Variants in SLC9A9 observed in about 807,000 individuals in gnomAD.
SLC9A9 encodes solute carrier family 9 member A9.
In SLC9A9, 62 loss-of-function variants were observed where a neutral mutation model predicts 77.8. The observed-to-expected ratio is 0.80, with a 90% CI of 0.65 to 0.98. The LOEUF (loss-of-function observed/expected upper bound fraction) is 0.98, where lower values mean the gene tolerates loss of function less well. Among genes scored for constraint, SLC9A9 ranks in the 50% least tolerant of loss-of-function variants. The pLI is 0.00. For missense variants in SLC9A9, 775 were observed against 774.9 expected (o/e 1.00, Z 0.00); for synonymous variants, 320 against 283.5 (o/e 1.13, Z -1.29).
intron 4 of SLC9A9, among the ~76,000 whole-genome samples, chr3:143,750,618 A>G (rs576685896): frequency 6.6e-6 from 1 of 152,164 alleles, no homozygotes; most frequent in East Asian, 1.9e-4. Context: ...GAAAGATGAA[A>G]ATGTTTTATG....
At chr3:143,445,078 C>T (rs1421214949) in intron 12 of SLC9A9, among the ~76,000 whole-genome samples, 2 of 152,178 alleles carry the variant, frequency 1.3e-5, no homozygotes, top group Non-Finnish European at 1.5e-5. Flanking sequence ...AAGTAAGCCA[C>T]CTCCACAGAG....
chr3:143,272,347 T>G (rs1937920931), intron 14 of SLC9A9, among the ~76,000 whole-genome samples: 1 of 152,208 alleles, frequency 6.6e-6, no homozygotes, highest in African/African-American at 2.4e-5. Flanking sequence ...GGCAGTCCCC[T>G]TCACCTGGAT....
intron 12 of SLC9A9, among the ~76,000 whole-genome samples, chr3:143,401,906 T>C (rs1231477061): frequency 6.6e-6 from 1 of 152,208 alleles, no homozygotes; most frequent in Non-Finnish European, 1.5e-5. Context: ...CATACAGATG[T>C]TAAGAGTTCT....
At chr3:143,395,144 A>T (rs2033694779) in intron 12 of SLC9A9, among the ~76,000 whole-genome samples, 1 of 152,226 alleles carries the variant, frequency 6.6e-6, no homozygotes, top group Admixed American at 6.5e-5. Flanking sequence ...TTGCCAAGTC[A>T]ATCCTAAGCC....
chr3:143,812,898 T>A (rs1172777366), intron 2 of SLC9A9, among the ~76,000 whole-genome samples: 1 of 152,158 alleles, frequency 6.6e-6, no homozygotes, highest in African/African-American at 2.4e-5. Flanking sequence ...GCCGCTGAGA[T>A]GTGATGGTAT....
intron 9 of SLC9A9, among the ~76,000 whole-genome samples, chr3:143,512,898 G>A (rs112622922): frequency 0.02 from 3,089 of 152,066 alleles, 101 homozygotes; most frequent in African/African-American, 0.069. Context: ...ACAAAACAAA[G>A]CAAACAAAAG....
intron 12 of SLC9A9, among the ~76,000 whole-genome samples, chr3:143,388,425 C>T (rs2033477753): frequency 6.6e-6 from 1 of 152,176 alleles, no homozygotes; most frequent in Non-Finnish European, 1.5e-5. Flanking sequence ...TCAAATTTCA[C>T]TTCCATTATT....
rs141724453 is a variant in SLC9A9, at chr3:143,265,948, G to T, written c.*754C>A. 39 of 658,754 alleles carry T rather than the reference G, an allele frequency of 5.9e-5. No homozygotes were observed. Among genetic ancestry groups the T allele is most frequent in the Admixed American group, 1.8e-4 (8 of 45,586 alleles). 40.8% of individuals were successfully genotyped at this position (658,754 alleles called of 1,614,324 possible). ...CTCACATGCAGGCAAGGACGGGAAG[G>T]CTTGTTCTTCAGGCACAACGTGGTA... is the stretch of plus-strand genomic sequence containing the variant. On this transcript the variant is annotated 3_prime_UTR_variant, in exon 16 of 16. Transcript: ENST00000316549.
At chr3:143,687,059 T>C (rs1305247699) in intron 5 of SLC9A9, among the ~76,000 whole-genome samples, 7 of 151,926 alleles carry the variant, frequency 4.6e-5, no homozygotes, top group African/African-American at 1.7e-4. Context: ...GACCTTTCCA[T>C]CATCAGCAAG....
chr3:143,591,800 G>A (rs6796090), intron 6 of SLC9A9, among the ~76,000 whole-genome samples: 1 of 152,122 alleles, frequency 6.6e-6, no homozygotes, highest in South Asian at 2.1e-4. Flanking sequence ...CCAAGAGGAT[G>A]GTTTTTACAT....
intron 1 of SLC9A9, among the ~76,000 whole-genome samples, chr3:143,835,614 G>A (rs951583956): frequency 1.8e-4 from 27 of 152,312 alleles, no homozygotes; most frequent in East Asian, 1.5e-3. Flanking sequence ...AAAGTAGGAT[G>A]GCTAGTAGAA....
chr3:143,842,055 C>T (rs989507084), intron 1 of SLC9A9, among the ~76,000 whole-genome samples: 5 of 152,008 alleles, frequency 3.3e-5, no homozygotes, highest in African/African-American at 9.7e-5. Context: ...ATGCCTGGCC[C>T]GGCTATTTTC....
chr3:143,270,693 G>A (rs1937872538), intron 14 of SLC9A9, among the ~76,000 whole-genome samples: 1 of 148,888 alleles, frequency 6.7e-6, no homozygotes, highest in African/African-American at 2.5e-5. Flanking sequence ...AAAAAAAAAA[G>A]TTTGTCAAGG....
At chr3:143,464,269 A>G (rs2035244494) in intron 12 of SLC9A9, among the ~76,000 whole-genome samples, 1 of 152,224 alleles carries the variant, frequency 6.6e-6, no homozygotes, top group Non-Finnish European at 1.5e-5. Flanking sequence ...CTCTGTAAAC[A>G]AGCAAAGCCT....
At chr3:143,847,871 C>T (rs2009861739) in intron 1 of SLC9A9, 5 of 491,012 alleles carry the variant, frequency 1.0e-5, no homozygotes, top group East Asian at 3.8e-5. Flanking sequence ...AGCTCGCCCT[C>T]GACTCCCCAC....
At chr3:143,731,939 G>T (rs1934814262) in intron 4 of SLC9A9, among the ~76,000 whole-genome samples, 1 of 152,140 alleles carries the variant, frequency 6.6e-6, no homozygotes, top group African/African-American at 2.4e-5. Flanking sequence ...CACTTTTCTT[G>T]CCTGCCATCT....
chr3:143,582,660 TCTC>T (rs2037475922), intron 6 of SLC9A9, among the ~76,000 whole-genome samples: 1 of 152,172 alleles, frequency 6.6e-6, no homozygotes, highest in South Asian at 2.1e-4. Flanking sequence ...GCTAAAATGT[TCTC>T]ATGTATTTCA....
intron 6 of SLC9A9, among the ~76,000 whole-genome samples, chr3:143,650,248 G>A (rs946260144): frequency 4.6e-5 from 7 of 152,178 alleles, no homozygotes; most frequent in Non-Finnish European, 8.8e-5. Flanking sequence ...GAAAGCCATA[G>A]AAAACCTTTA....
intron 4 of SLC9A9, among the ~76,000 whole-genome samples, chr3:143,756,564 T>C (rs2006930236): frequency 6.6e-6 from 1 of 152,216 alleles, no homozygotes; most frequent in South Asian, 2.1e-4. Context: ...TTTTCAAAAG[T>C]ATTTATTGGT....
Sources: allele counts gnomAD v4.1 joint callset (sites outside exome capture counted in the v4.1 genomes callset), GRCh38; gene constraint gnomAD v4.1.1; transcripts MANE v1.5; gene names NCBI Gene and HGNC (gene_info 2026-07-23, HGNC 2026-07-21).